The following RBPJ variants were observed in gnomAD, a reference collection of about 807,000 sequenced individuals.
RBPJ encodes recombination signal binding protein for immunoglobulin kappa J region.
A neutral mutation model predicts 67.8 loss-of-function variants in RBPJ; 9 were observed. The observed-to-expected ratio is 0.13, with a 90% CI of 0.08 to 0.23. The LOEUF is 0.23. Among genes scored for constraint, RBPJ ranks in the 10% least tolerant of loss-of-function variants. The probability of loss-of-function intolerance (pLI) is 1.00; values close to 1 mark genes in which losing one functional copy is unlikely to be tolerated. For synonymous variants in RBPJ, 198 were observed against 203.3 expected, an observed-to-expected ratio of 0.97 and a Z score of 0.22; for missense variants, 305 against 595.6, an observed-to-expected ratio of 0.51 and a Z score of 5.08.
chr4:26,414,166 G>A (rs1456501808), intron 3 of RBPJ, among the ~76,000 whole-genome samples: 2 of 151,802 alleles, frequency 1.3e-5, no homozygotes, highest in African/African-American at 4.9e-5. Flanking sequence ...GTAACTAAAG[G>A]ATATTCCTAA....
At chr4:26,428,582 T>A (rs928747900) in intron 7 of RBPJ, 138 bp from the exon 8 acceptor site, 7 of 595,612 alleles carry the variant, frequency 1.2e-5, no homozygotes, top group Non-Finnish European at 1.7e-5. Flanking sequence ...GTGAATGTTT[T>A]TATATATGTA....
intron 2 of RBPJ, among the ~76,000 whole-genome samples, chr4:26,396,015 A>C (rs528660341): frequency 2.6e-5 from 4 of 152,196 alleles, no homozygotes; most frequent in Admixed American, 6.5e-5. Flanking sequence ...TCACTTTGAG[A>C]CAGGAGAGCA....
chr4:26,403,274 A>C (rs1205026040), intron 2 of RBPJ, among the ~76,000 whole-genome samples: 2 of 151,932 alleles, frequency 1.3e-5, no homozygotes, highest in African/African-American at 4.8e-5. Context: ...TGGATCTTTA[A>C]AGATTTTACT....
intron 1 of RBPJ, among the ~76,000 whole-genome samples, chr4:26,201,425 A>T (rs1441184797): frequency 6.6e-6 from 1 of 152,212 alleles, no homozygotes; most frequent in Non-Finnish European, 1.5e-5. Flanking sequence ...TGTCAAAAAC[A>T]TGTCATGGAC....
At chr4:26,330,610 G>A (rs1724135629) in intron 1 of RBPJ, among the ~76,000 whole-genome samples, 1 of 152,222 alleles carries the variant, frequency 6.6e-6, no homozygotes, top group African/African-American at 2.4e-5. Flanking sequence ...GAAAGAAGCA[G>A]AATGGAAGCT....
the RBPJ span, among the ~76,000 whole-genome samples, chr4:26,109,460 CTATATATATATATA>C: frequency 8.2e-4 from 12 of 14,686 alleles, no homozygotes; most frequent in South Asian, 3.0e-3. Context: ...CTCTCTCTCT[CTATATATATATATA>C]TATATATATA....
intron 1 of RBPJ, among the ~76,000 whole-genome samples, chr4:26,210,093 TTTC>T (rs1337060968): frequency 1.1e-4 from 17 of 152,230 alleles, no homozygotes; most frequent in East Asian, 3.9e-4. Context: ...CCAGGAAGTC[TTTC>T]TTCTTCTACT....
intron 1 of RBPJ, among the ~76,000 whole-genome samples, chr4:26,242,446 CAAAAAAAAAAAAAAAGAA>C (rs1426094927): frequency 8.9e-6 from 1 of 112,132 alleles, no homozygotes; most frequent in Non-Finnish European, 1.9e-5. Context: ...GACTCTGTCT[CAAAAAAAAAAAAAAAGAA>C]AAGAAAAGAA....
intron 2 of RBPJ, among the ~76,000 whole-genome samples, chr4:26,387,753 C>CA (rs1731069964): frequency 1.3e-5 from 2 of 152,042 alleles, no homozygotes; most frequent in Non-Finnish European, 2.9e-5. Flanking sequence ...AAAAATATCC[C>CA]AAAAAATCAG....
At chr4:26,378,379 C>T (rs944270690) in intron 1 of RBPJ, among the ~76,000 whole-genome samples, 3 of 152,072 alleles carry the variant, frequency 2.0e-5, no homozygotes, top group Admixed American at 2.0e-4. Flanking sequence ...CTTTTTGAGG[C>T]CATACTCTTC....
At chr4:26,194,594 C>T (rs1311789901) in intron 1 of RBPJ, among the ~76,000 whole-genome samples, 3 of 152,216 alleles carry the variant, frequency 2.0e-5, no homozygotes, top group African/African-American at 7.2e-5. Context: ...GCCATCCCCC[C>T]AGAACAGATT....
chr4:26,143,221 C>A, the RBPJ span, among the ~76,000 whole-genome samples: 1 of 152,220 alleles, frequency 6.6e-6, no homozygotes, highest in Non-Finnish European at 1.5e-5. Flanking sequence ...GTCCAAGCCA[C>A]CTTTGTCTCT....
intron 1 of RBPJ, among the ~76,000 whole-genome samples, chr4:26,169,743 G>T (rs574112918): frequency 1.3e-5 from 2 of 152,234 alleles, no homozygotes; most frequent in African/African-American, 4.8e-5. Context: ...CGAGCTTCCC[G>T]GCTTTTTTGT....
At chr4:26,396,154 G>A (rs940676162) in intron 2 of RBPJ, among the ~76,000 whole-genome samples, 3 of 152,230 alleles carry the variant, frequency 2.0e-5, no homozygotes, top group Non-Finnish European at 2.9e-5. Flanking sequence ...ACCATGCAAA[G>A]TAGGTAAATG....
the RBPJ span, among the ~76,000 whole-genome samples, chr4:26,119,783 A>G: frequency 6.6e-6 from 1 of 152,206 alleles, no homozygotes; most frequent in Non-Finnish European, 1.5e-5. Context: ...TTCTTTCATG[A>G]TACAAAGCAG....
In RBPJ at chr4:26,215,212, A is replaced by C. The variant is rs1171696944; in HGVS notation, c.-167+51598A>C. Among the ~76,000 whole-genome samples the C allele has an allele frequency of 2.7e-4, 6 of 22,328 alleles. No individual in the cohort carries two copies. The Admixed American group carries it at 3.6e-3, about 13-fold the overall frequency. The allele number at this position is 22,328 out of a possible 152,430, so 14.6% of individuals were successfully genotyped here. A position where few individuals can be genotyped will look rare whatever the true frequency, so the allele number is the denominator to read the frequency against. ...AAGGAAGGAAAAAGAGAGAGAAAGA[A>C]AGAGAAAAAGAGAGAAAAGAGAGAA... On this transcript the variant is annotated intron_variant, in intron 1 of 4. Transcript: ENST00000512351.
intron 3 of RBPJ, among the ~76,000 whole-genome samples, chr4:26,406,560 G>T (rs945749935): frequency 6.6e-6 from 1 of 152,212 alleles, no homozygotes; most frequent in Non-Finnish European, 1.5e-5. Context: ...TGGAACAATG[G>T]AGAGAGCACA....
chr4:26,196,078 G>T (rs1717751296), intron 1 of RBPJ, among the ~76,000 whole-genome samples: 1 of 152,018 alleles, frequency 6.6e-6, no homozygotes, highest in South Asian at 2.1e-4. Flanking sequence ...GCAGCCTCTG[G>T]GTACATACCC....
chr4:26,192,651 G>A (rs1297870661), intron 1 of RBPJ, among the ~76,000 whole-genome samples: 1 of 152,194 alleles, frequency 6.6e-6, no homozygotes, highest in East Asian at 1.9e-4. Flanking sequence ...AGTGAACAGA[G>A]ACCAGTGGGC....
Sources: gnomAD v4.1 joint callset for allele counts (sites outside exome capture counted in the v4.1 genomes callset) on GRCh38, gnomAD v4.1.1 for gene constraint, MANE v1.5 for transcripts, NCBI Gene and HGNC (gene_info 2026-07-23, HGNC 2026-07-21) for gene names.